CSMD1: variants seen among roughly 807,000 people sequenced by gnomAD.
The protein encoded by CSMD1 is CUB and Sushi multiple domains 1.
In CSMD1, 213 loss-of-function variants were observed where a neutral mutation model predicts 417.5. That is an observed-to-expected ratio of 0.51 (90% CI 0.46 to 0.57). The LOEUF is 0.57. Ranked by LOEUF, CSMD1 falls within the 20% of genes least tolerant of loss-of-function variation. The pLI, the probability that CSMD1 is intolerant of heterozygous loss-of-function variation, is 0.00. For missense variants in CSMD1, 6,923 were observed against 4,529.7 expected (o/e 1.53, Z -15.17); for synonymous variants, 2,862 against 1,736.8 (o/e 1.65, Z -16.11).
chr8:4,528,706 G>C (rs574020402), intron 2 of CSMD1, among the ~76,000 whole-genome samples: 103 of 152,180 alleles, frequency 6.8e-4, no homozygotes, highest in African/African-American at 2.4e-3. Flanking sequence ...TATTAATTAT[G>C]TACAGCTTTT....
At chr8:3,839,918 C>G (rs937546805) in intron 5 of CSMD1, among the ~76,000 whole-genome samples, 1 of 151,942 alleles carries the variant, frequency 6.6e-6, no homozygotes, top group Non-Finnish European at 1.5e-5. Context: ...AGAAGGAATT[C>G]ACAGAGATGC....
intron 3 of CSMD1, among the ~76,000 whole-genome samples, chr8:4,135,543 A>T (rs1353398761): frequency 6.6e-6 from 1 of 152,210 alleles, no homozygotes; most frequent in Non-Finnish European, 1.5e-5. Context: ...TATGTTTCAG[A>T]TTGGAAACAA....
At chr8:4,851,527 A>G (rs1293928969) in intron 1 of CSMD1, among the ~76,000 whole-genome samples, 2 of 151,838 alleles carry the variant, frequency 1.3e-5, no homozygotes, top group African/African-American at 2.4e-5. Context: ...TACATTCTCC[A>G]GGGTTGAGGT....
In CSMD1 at chr8:3,343,401, T is replaced by A; in HGVS notation, c.3524A>T (p.Lys1175Ile). 1 of 1,613,852 alleles carries A rather than the reference T, an allele frequency of 6.2e-7. No individual in the cohort carries two copies. Among genetic ancestry groups the A allele is most frequent in the Non-Finnish European group, 8.5e-7 (1 of 1,179,766 alleles). ...SSSRPLGTFT[K>I]NELLGLILNS... Reference sequence around the variant, plus strand: ...TAGGATCAGCCCCAGAAGTTCATTTTTAGTGAACGTGCCCAGTGGACGTGA... The same window carrying A: ...TAGGATCAGCCCCAGAAGTTCATTTATAGTGAACGTGCCCAGTGGACGTGA... Residue 1175 changes from lysine to isoleucine, a missense_variant, in exon 23 of 70, where the codon AAA (lysine) becomes ATA (isoleucine). Transcript: ENST00000635120.
At position 3,189,955 on chromosome 8, in the gene CSMD1, G is replaced by A. The variant is rs760185581; in HGVS notation, c.5355C>T (p.Pro1785=). The A allele has an allele frequency of 1.9e-6, 3 of 1,597,578 alleles. No homozygotes were observed. The highest frequency in any genetic ancestry group is 2.3e-5 in the South Asian group (2 of 87,602). The change falls in exon 34 of 70, where the codon CCC becomes CCT. Residue 1785 remains proline (P), a synonymous_variant. Transcript: ENST00000635120. The part of the protein sequence containing the change: ...GSTALHCQSV[P]NALAQWNDTI... ...TGTCGTTCCACTGTGCCAAGGCGTT[G>A]GGCACGGACTGGCAGTGGAGCGCCG...
chr8:4,363,996 C>A (rs1211665059), intron 3 of CSMD1, among the ~76,000 whole-genome samples: 1 of 152,092 alleles, frequency 6.6e-6, no homozygotes, highest in Admixed American at 6.5e-5. Context: ...AACAGGTTGA[C>A]TGACTGTAGT....
chr8:4,407,883 G>A (rs1273996190), intron 3 of CSMD1, among the ~76,000 whole-genome samples: 3 of 152,118 alleles, frequency 2.0e-5, no homozygotes, highest in Non-Finnish European at 4.4e-5. Flanking sequence ...TCATATTTAT[G>A]AGTTAAGATG....
chr8:4,192,420 AC>A (rs550210880), intron 3 of CSMD1, among the ~76,000 whole-genome samples: 8 of 152,088 alleles, frequency 5.3e-5, no homozygotes, highest in Non-Finnish European at 1.2e-4. Context: ...TCAAGAGGCC[AC>A]CATCAGAATT....
At chr8:4,759,205 C>T (rs1023942088) in intron 1 of CSMD1, among the ~76,000 whole-genome samples, 5 of 152,146 alleles carry the variant, frequency 3.3e-5, no homozygotes, top group African/African-American at 1.2e-4. Flanking sequence ...GACTTGAGGC[C>T]AGAGGCTCTG....
intron 39 of CSMD1, among the ~76,000 whole-genome samples, chr8:3,155,341 T>C (rs1016677668): frequency 6.8e-6 from 1 of 147,838 alleles, no homozygotes; most frequent in Non-Finnish European, 1.5e-5. Flanking sequence ...AATTTTTTCC[T>C]TCCAAATCAA....
intron 12 of CSMD1, among the ~76,000 whole-genome samples, chr8:3,436,019 C>T (rs1814535648): frequency 1.3e-5 from 2 of 152,264 alleles, no homozygotes; most frequent in Admixed American, 6.5e-5. Flanking sequence ...CCCAGCTACC[C>T]AGGTGGGCAG....
chr8:3,799,838 C>T (rs1476323040), intron 5 of CSMD1, among the ~76,000 whole-genome samples: 1 of 152,082 alleles, frequency 6.6e-6, no homozygotes, highest in South Asian at 2.1e-4. Context: ...GGACATGAGG[C>T]TAGGTTTTGG....
At chr8:4,921,891 GAACCTTCCATGCAAGAAGC>G (rs1806522065) in intron 1 of CSMD1, among the ~76,000 whole-genome samples, 1 of 152,298 alleles carries the variant, frequency 6.6e-6, no homozygotes, top group South Asian at 2.1e-4. Flanking sequence ...ACTCAGAATT[GAACCTTCCATGCAAGAAGC>G]CACCTCCAGC....
chr8:3,564,009 C>G (rs1203647179), intron 10 of CSMD1, among the ~76,000 whole-genome samples: 2 of 152,050 alleles, frequency 1.3e-5, no homozygotes, highest in Non-Finnish European at 2.9e-5. Flanking sequence ...TCTTTTTAAG[C>G]TACTTTTATT....
At chr8:3,922,941 A>C (rs941943926) in intron 5 of CSMD1, among the ~76,000 whole-genome samples, 4 of 152,194 alleles carry the variant, frequency 2.6e-5, no homozygotes, top group Non-Finnish European at 5.9e-5. Flanking sequence ...ACCGAAACAG[A>C]TTGTGTGAGC....
At chr8:4,288,625 G>C (rs922841532) in intron 3 of CSMD1, among the ~76,000 whole-genome samples, 2 of 152,154 alleles carry the variant, frequency 1.3e-5, no homozygotes, top group African/African-American at 4.8e-5. Flanking sequence ...TCAAGGTGAA[G>C]GATGTTGCCA....
intron 7 of CSMD1, among the ~76,000 whole-genome samples, chr8:3,641,024 CT>C (rs34851559): frequency 0.11 from 11,028 of 102,962 alleles, 165 homozygotes; most frequent in African/African-American, 0.19. Context: ...TCCTTTTTTC[CT>C]TTTTTTTTTT....
intron 3 of CSMD1, among the ~76,000 whole-genome samples, chr8:4,100,394 G>A (rs1801244701): frequency 6.6e-6 from 1 of 152,216 alleles, no homozygotes; most frequent in South Asian, 2.1e-4. Flanking sequence ...CCTTCCCTGT[G>A]TCTAGTCAGC....
chr8:3,702,882 T>C (rs981281148), intron 7 of CSMD1, among the ~76,000 whole-genome samples: 4 of 152,152 alleles, frequency 2.6e-5, no homozygotes, highest in Non-Finnish European at 5.9e-5. Context: ...GGTATTGAAA[T>C]AATCTACTTT....
Sources: allele counts gnomAD v4.1 joint callset (sites outside exome capture counted in the v4.1 genomes callset), GRCh38; gene constraint gnomAD v4.1.1; transcripts MANE v1.5; gene names NCBI Gene and HGNC (gene_info 2026-07-23, HGNC 2026-07-21).